The following RAI14 variants were observed in gnomAD, a reference collection of about 807,000 sequenced individuals.
The protein encoded by RAI14 is ankycorbin.
In RAI14, 45 loss-of-function variants were observed where a neutral mutation model predicts 115.4. The observed-to-expected ratio is 0.39, with a 90% confidence interval of 0.31 to 0.50. RAI14 has a LOEUF of 0.50. RAI14 is among the 20% of genes least tolerant of loss of function. The probability of loss-of-function intolerance (pLI) is 0.85; values close to 1 mark genes in which losing one functional copy is unlikely to be tolerated. For missense variants in RAI14, 939 were observed against 1,131.2 expected (o/e 0.83, Z 2.44); for synonymous variants, 371 against 415.4 (o/e 0.89, Z 1.30).
chr5:34,812,734 G>A (rs1755752818), intron 10 of RAI14, among the ~76,000 whole-genome samples: 1 of 151,996 alleles, frequency 6.6e-6, no homozygotes, highest in African/African-American at 2.4e-5. Flanking sequence ...CTTTAAACTT[G>A]CTACTTATAT....
At chr5:34,795,327 G>T (rs568786943) in intron 3 of RAI14, among the ~76,000 whole-genome samples, 1 of 152,284 alleles carries the variant, frequency 6.6e-6, no homozygotes, top group East Asian at 1.9e-4. Flanking sequence ...GAAAGTAATA[G>T]AACTCACCTT....
At position 34,827,061 on chromosome 5, in the gene RAI14, T is replaced by A. The variant is rs1757525332; in HGVS notation, c.2799+582T>A. ...ACTAACTTCAAGTTGTTGGCAGGGC[T>A]GGTTCCTCCTCGAGACCATAGGAGA... is the stretch of plus-strand genomic sequence containing the variant. On this transcript the variant is annotated intron_variant, in intron 16 of 17. Transcript: ENST00000265109. The surrounding 1 kb of genome is among the most constrained non-coding windows in gnomAD (Gnocchi z 4.2). 6.6e-6 allele frequency among the ~76,000 whole-genome samples: 1 copy of A among 152,252 alleles called. No individual in the cohort carries two copies. The highest frequency in any genetic ancestry group is 1.9e-4 in the East Asian group (1 of 5,196).
At chr5:34,793,610 A>G (rs1334214448) in intron 3 of RAI14, among the ~76,000 whole-genome samples, 1 of 152,160 alleles carries the variant, frequency 6.6e-6, no homozygotes, top group South Asian at 2.1e-4. Context: ...TTTACATGTT[A>G]TATTTCAATC....
chr5:34,758,050 A>G (rs1371250838), intron 3 of RAI14, among the ~76,000 whole-genome samples: 1 of 152,200 alleles, frequency 6.6e-6, no homozygotes, highest in Non-Finnish European at 1.5e-5. Context: ...TCCTTGCCAT[A>G]ATTAAAGCTG....
At position 34,822,518 on chromosome 5, in the gene RAI14, T is replaced by TA. The variant is rs552944618; in HGVS notation, c.1114-438_1114-437insA. Among the ~76,000 whole-genome samples, 74 of 151,642 alleles carry TA rather than the reference T, an allele frequency of 4.9e-4. No individual in the cohort carries two copies. The East Asian group carries it at 0.011, about 23-fold the overall frequency. ...AATAGAACCCAAAGCAAGCTTTGTG[T>TA]CATTAGTCCCACTCATGTCCCAGAC... On this transcript the variant is annotated intron_variant, in intron 14 of 17. Transcript: ENST00000265109.
At chr5:34,740,463 A>T (rs547962614) in intron 2 of RAI14, among the ~76,000 whole-genome samples, 31 of 152,318 alleles carry the variant, frequency 2.0e-4, no homozygotes, top group African/African-American at 6.7e-4. Flanking sequence ...ATCCCTTGTG[A>T]TCTTTAAAAG....
At chr5:34,788,567 C>G (rs1354015432) in intron 3 of RAI14, among the ~76,000 whole-genome samples, 1 of 152,146 alleles carries the variant, frequency 6.6e-6, no homozygotes, top group East Asian at 1.9e-4. Flanking sequence ...TGAATGAGTA[C>G]TTCTGGCTAT....
chr5:34,815,583 T>C (rs531593161), intron 12 of RAI14, among the ~76,000 whole-genome samples: 1 of 152,206 alleles, frequency 6.6e-6, no homozygotes, highest in East Asian at 1.9e-4. Context: ...GGACAAAGTT[T>C]ACTTATATGG....
intron 15 of RAI14, among the ~76,000 whole-genome samples, chr5:34,824,995 T>TA (rs1467749322): frequency 2.7e-5 from 4 of 149,746 alleles, no homozygotes; most frequent in African/African-American, 9.8e-5. Context: ...ATTTGTATTT[T>TA]AAAAACACAT....
intron 2 of RAI14, among the ~76,000 whole-genome samples, chr5:34,692,327 G>A (rs1430225028): frequency 1.3e-5 from 2 of 150,872 alleles, no homozygotes; most frequent in South Asian, 2.1e-4. Flanking sequence ...CTCTACCAAC[G>A]TATTTTTTTC....
At chr5:34,667,292 C>CA (rs200583311) in intron 1 of RAI14, 1,810 of 152,292 alleles carry the variant, frequency 0.012, 30 homozygotes, top group Middle Eastern at 0.027. Flanking sequence ...GGCTGGAGTG[C>CA]AGTGGTGCAA....
chr5:34,707,672 T>C (rs1037967325), intron 2 of RAI14, among the ~76,000 whole-genome samples: 51 of 152,312 alleles, frequency 3.3e-4, no homozygotes, highest in African/African-American at 1.1e-3. Context: ...CACATCTTAA[T>C]TGAAGTGTAT....
intron 3 of RAI14, among the ~76,000 whole-genome samples, chr5:34,763,732 T>C (rs1748983211): frequency 6.6e-6 from 1 of 152,216 alleles, no homozygotes; most frequent in African/African-American, 2.4e-5. Context: ...AAATGCTTCC[T>C]GCCTGAAGTG....
At chr5:34,679,158 C>G (rs1295776235) in intron 1 of RAI14, among the ~76,000 whole-genome samples, 1 of 152,176 alleles carries the variant, frequency 6.6e-6, no homozygotes, top group Non-Finnish European at 1.5e-5. Flanking sequence ...ATAGCTCTCT[C>G]TAAAGGAAGA....
chr5:34,815,019 G>A (rs1438293281), intron 12 of RAI14, among the ~76,000 whole-genome samples: 1 of 152,088 alleles, frequency 6.6e-6, no homozygotes, highest in African/African-American at 2.4e-5. Context: ...GGCCAAGGTG[G>A]GCAGATCACC....
At chr5:34,679,526 G>A (rs1023188149) in intron 1 of RAI14, among the ~76,000 whole-genome samples, 3 of 151,036 alleles carry the variant, frequency 2.0e-5, no homozygotes, top group African/African-American at 7.4e-5. Context: ...GGGAATCCCT[G>A]GCTTGCCCAT....
At chr5:34,795,863 C>CG (rs567882884) in intron 3 of RAI14, 76 bp from the exon 4 acceptor site, 289 of 953,622 alleles carry the variant, frequency 3.0e-4, no homozygotes, top group Middle Eastern at 2.3e-3. Context: ...TGGCGGGGGG[C>CG]GGGGGGGAAA....
intron 2 of RAI14, among the ~76,000 whole-genome samples, chr5:34,733,738 G>A (rs1580069969): frequency 1.3e-5 from 2 of 152,144 alleles, no homozygotes; most frequent in African/African-American, 2.4e-5. Context: ...GGGGTCACAG[G>A]GAAGGTGAAT....
intron 3 of RAI14, among the ~76,000 whole-genome samples, chr5:34,771,018 T>G (rs1161626607): frequency 2.0e-5 from 3 of 152,172 alleles, no homozygotes; most frequent in Non-Finnish European, 2.9e-5. Flanking sequence ...TTATGTACCA[T>G]GAAGTATTTG....
Sources: gnomAD v4.1 joint callset for allele counts (sites outside exome capture counted in the v4.1 genomes callset) on GRCh38, gnomAD v4.1.1 for gene constraint, Gnocchi (gnomAD v3.1) non-coding constraint, MANE v1.5 for transcripts, NCBI Gene and HGNC (gene_info 2026-07-23, HGNC 2026-07-21) for gene names.